Variants in NFKB1 observed in about 807,000 individuals in gnomAD.
NFKB1 encodes nuclear factor NF-kappa-B p105 subunit.
Under a neutral mutation model 105.1 loss-of-function variants are expected in NFKB1, and 9 were observed. The ratio of observed to expected loss-of-function variants is 0.09; its 90% CI spans 0.05 to 0.15. The LOEUF (loss-of-function observed/expected upper bound fraction) is 0.15. Among genes scored for constraint, NFKB1 ranks in the 10% least tolerant of loss-of-function variants. The pLI is 1.00. For missense variants in NFKB1, 830 were observed against 1,203.7 expected, an observed-to-expected ratio of 0.69 and a Z score of 4.59; for synonymous variants, 440 against 442.2, an observed-to-expected ratio of 1.00 and a Z score of 0.06.
In NFKB1 at chr4:102,567,161, G is replaced by C. The variant is rs756102549; in HGVS notation, c.407+26G>C. On this transcript the variant is annotated intron_variant, in intron 6 of 23. Coordinates refer to ENST00000226574, the MANE Select transcript of NFKB1 (RefSeq NM_003998.4). ...GTAAGTAGGGGTATATGATGCTGTG[G>C]AAGGTAGGAACAGATAGAATATGGG... is the stretch of plus-strand genomic sequence containing the variant. The C allele has an allele frequency of 1.4e-5, 22 of 1,609,608 alleles. No homozygotes were observed. The Admixed American group carries it at 3.5e-4, about 26-fold the overall frequency.
At chr4:102,580,931 C>A (rs1725269488) in intron 9 of NFKB1, among the ~76,000 whole-genome samples, 1 of 152,154 alleles carries the variant, frequency 6.6e-6, no homozygotes, top group Non-Finnish European at 1.5e-5. Flanking sequence ...AAATTAATAT[C>A]TGTACTTTGT....
intron 1 of NFKB1, among the ~76,000 whole-genome samples, chr4:102,512,379 C>A (rs1420708625): frequency 6.6e-6 from 1 of 152,086 alleles, no homozygotes; most frequent in East Asian, 1.9e-4. Flanking sequence ...GATGTGGTGT[C>A]GCTCTGTCAC....
intron 15 of NFKB1, among the ~76,000 whole-genome samples, chr4:102,598,597 G>A (rs1726849728): frequency 3.3e-5 from 5 of 152,190 alleles, no homozygotes; most frequent in Non-Finnish European, 7.3e-5. Flanking sequence ...TATACAGTAT[G>A]AGAGGAACCA....
chr4:102,538,454 A>G (rs1395775581), intron 5 of NFKB1, among the ~76,000 whole-genome samples: 4 of 152,204 alleles, frequency 2.6e-5, no homozygotes, highest in East Asian at 1.9e-4. Context: ...AAAAATATTA[A>G]TAGTATATAC....
chr4:102,528,194 G>T (rs150372638), intron 2 of NFKB1, among the ~76,000 whole-genome samples: 1 of 152,122 alleles, frequency 6.6e-6, no homozygotes, highest in Non-Finnish European at 1.5e-5. Context: ...TTGCCCACTC[G>T]CCAGTCATTT....
intron 13 of NFKB1, among the ~76,000 whole-genome samples, chr4:102,595,500 C>G (rs746209345): frequency 7.2e-5 from 11 of 152,158 alleles, no homozygotes; most frequent in Non-Finnish European, 1.5e-4. Context: ...GTGCCAAGTG[C>G]TTTTACATGT....
intron 16 of NFKB1, among the ~76,000 whole-genome samples, chr4:102,604,755 G>A (rs565750790): frequency 1.3e-5 from 2 of 151,788 alleles, no homozygotes; most frequent in African/African-American, 4.8e-5. Context: ...CCTCACTTAT[G>A]TCCTCTTGTG....
intron 4 of NFKB1, among the ~76,000 whole-genome samples, chr4:102,536,726 G>A (rs1284887618): frequency 1.7e-4 from 26 of 152,158 alleles, no homozygotes. Flanking sequence ...GGTGTGATGA[G>A]CTGATGGGCA....
At chr4:102,616,303 T>C in intron 23 of NFKB1, 131 bp from the exon 24 acceptor site, 4 of 921,370 alleles carry the variant, frequency 4.3e-6, no homozygotes, top group Non-Finnish European at 6.8e-6. Context: ...TGAGCAGTCA[T>C]GACAGTGAGG....
At chr4:102,585,165 C>G (rs555645701) in intron 11 of NFKB1, among the ~76,000 whole-genome samples, 8 of 152,188 alleles carry the variant, frequency 5.3e-5, no homozygotes, top group African/African-American at 1.9e-4. Context: ...GCTGGGATTA[C>G]AGGCTTGAGC....
chr4:102,571,078 A>C (rs1724304078), intron 6 of NFKB1, among the ~76,000 whole-genome samples: 2 of 152,368 alleles, frequency 1.3e-5, no homozygotes, highest in East Asian at 3.9e-4. Context: ...ACCTGACTTC[A>C]AACTATACTA....
chr4:102,573,242 A>G (rs1724534133), intron 6 of NFKB1, among the ~76,000 whole-genome samples: 1 of 152,212 alleles, frequency 6.6e-6, no homozygotes, highest in Non-Finnish European at 1.5e-5. Flanking sequence ...TGGGAGGCAG[A>G]GGTTGCGGTG....
intron 1 of NFKB1, among the ~76,000 whole-genome samples, chr4:102,522,499 G>T (rs1463251171): frequency 1.3e-5 from 2 of 152,182 alleles, no homozygotes; most frequent in African/African-American, 4.8e-5. Context: ...GCAGTTGGGT[G>T]CCTGCAATTG....
At chr4:102,549,104 C>T (rs554839842) in intron 5 of NFKB1, among the ~76,000 whole-genome samples, 44 of 152,148 alleles carry the variant, frequency 2.9e-4, no homozygotes, top group African/African-American at 8.7e-4. Context: ...AACATTGTTG[C>T]CTCAGTTAAT....
At chr4:102,613,044 G>T (rs895693940) in intron 22 of NFKB1, among the ~76,000 whole-genome samples, 1 of 151,936 alleles carries the variant, frequency 6.6e-6, no homozygotes, top group Non-Finnish European at 1.5e-5. Context: ...ATGTAGAAAA[G>T]CATGGGGTGA....
intron 12 of NFKB1, among the ~76,000 whole-genome samples, chr4:102,593,968 A>C (rs1726392298): frequency 1.3e-5 from 2 of 152,220 alleles, no homozygotes; most frequent in African/African-American, 4.8e-5. Flanking sequence ...AACTTTGAAA[A>C]TACATAAAAT....
chr4:102,518,225 G>T (rs1002934654), intron 1 of NFKB1, among the ~76,000 whole-genome samples: 21 of 152,178 alleles, frequency 1.4e-4, no homozygotes, highest in African/African-American at 5.1e-4. Context: ...AGATAGAGAG[G>T]TGAAGGGATT....
chr4:102,611,824 G>A (rs1728441705), intron 20 of NFKB1, among the ~76,000 whole-genome samples: 1 of 152,188 alleles, frequency 6.6e-6, no homozygotes, highest in African/African-American at 2.4e-5. Context: ...CAGAGTTTGT[G>A]CAAAGCACTA....
chr4:102,533,972 T>C (rs1741468415), intron 4 of NFKB1, 87 bp downstream of exon 4: 3 of 1,143,964 alleles, frequency 2.6e-6, no homozygotes, highest in Non-Finnish European at 3.8e-6. Flanking sequence ...AAATGAGTTC[T>C]ATGAAGGAAG....
Sources: gnomAD v4.1 joint callset for allele counts (sites outside exome capture counted in the v4.1 genomes callset) on GRCh38, gnomAD v4.1.1 for gene constraint, MANE v1.5 for transcripts, NCBI Gene and HGNC (gene_info 2026-07-23, HGNC 2026-07-21) for gene names.